CCDC91: variants seen among roughly 807,000 people sequenced by gnomAD.
CCDC91 encodes coiled-coil domain containing 91, also known as coiled-coil domain-containing protein 91.
A neutral mutation model predicts 63.2 loss-of-function variants in CCDC91; 48 were observed. The observed-to-expected ratio is 0.76, with a 90% CI of 0.60 to 0.97. The LOEUF (loss-of-function observed/expected upper bound fraction) is 0.97. Among genes scored for constraint, CCDC91 ranks in the 50% least tolerant of loss-of-function variants. The pLI, the probability that CCDC91 is intolerant of heterozygous loss-of-function variation, is 0.00. For missense variants in CCDC91, 500 were observed against 494.6 expected (o/e 1.01, Z -0.10); for synonymous variants, 167 against 165.8 (o/e 1.01, Z -0.06).
At chr12:28,534,315 C>T (rs1941977863) in intron 12 of CCDC91, among the ~76,000 whole-genome samples, 1 of 152,174 alleles carries the variant, frequency 6.6e-6, no homozygotes, top group South Asian at 2.1e-4. Flanking sequence ...AAGGAATTCT[C>T]AGTTTTAATA....
intron 11 of CCDC91, among the ~76,000 whole-genome samples, chr12:28,477,534 G>A (rs1337316161): frequency 6.6e-6 from 1 of 152,102 alleles, no homozygotes; most frequent in African/African-American, 2.4e-5. Context: ...AAAACTGGAA[G>A]CATTCCATTT....
At chr12:28,299,068 C>G (rs1317188437) in intron 3 of CCDC91, among the ~76,000 whole-genome samples, 1 of 151,498 alleles carries the variant, frequency 6.6e-6, no homozygotes, top group Non-Finnish European at 1.5e-5. Context: ...GCAAGTCTTT[C>G]TTTATTTAGC....
At chr12:28,519,348 C>T (rs532699408) in intron 12 of CCDC91, among the ~76,000 whole-genome samples, 23 of 151,710 alleles carry the variant, frequency 1.5e-4, no homozygotes, top group East Asian at 7.8e-4. Context: ...GGGTTGAGTA[C>T]GTGATTTGAT....
intron 1 of CCDC91, among the ~76,000 whole-genome samples, chr12:28,213,153 C>G (rs1439709194): frequency 6.6e-6 from 1 of 152,192 alleles, no homozygotes; most frequent in African/African-American, 2.4e-5. Context: ...CACCTCCCCT[C>G]TGCCCCTCCT....
chr12:28,197,342 AT>A (rs1264436915), intron 1 of CCDC91, among the ~76,000 whole-genome samples: 1 of 152,084 alleles, frequency 6.6e-6, no homozygotes, highest in Non-Finnish European at 1.5e-5. Flanking sequence ...TGCCTATACT[AT>A]TTTGTTTCCA....
intron 12 of CCDC91, among the ~76,000 whole-genome samples, chr12:28,507,182 C>T (rs902160823): frequency 6.6e-6 from 1 of 151,928 alleles, no homozygotes; most frequent in Non-Finnish European, 1.5e-5. Flanking sequence ...CCAGTGTTCT[C>T]CAGTTACATA....
chr12:28,435,351 A>G (rs1948849846), intron 8 of CCDC91, among the ~76,000 whole-genome samples: 2 of 151,348 alleles, frequency 1.3e-5, no homozygotes, highest in Non-Finnish European at 1.5e-5. Flanking sequence ...CTCTTGAGAC[A>G]TGTTTTTTAT....
In CCDC91 at chr12:28,452,645, A is replaced by T. The variant is rs759347240; in HGVS notation, c.1092A>T (p.Lys364Asn). The change falls in exon 11 of 13, where the codon AAA becomes AAT. Residue 364 changes from lysine to asparagine, a missense_variant. Coordinates refer to ENST00000536442, the MANE Select transcript of CCDC91 (RefSeq NM_018318.5). Reference sequence around the variant, plus strand: ...AAAAAGCTATACAAGAACAAAGAAAAATAAGTCAGGTTAGTAATATTAACT... The same window carrying T: ...AAAAAGCTATACAAGAACAAAGAAATATAAGTCAGGTTAGTAATATTAACT... ...EIQKAIQEQR[K>N]ISQETVKAAI... The T allele has an allele frequency of 5.9e-6, 9 of 1,516,922 alleles. No individual in the cohort carries two copies. The African/African-American group carries it at 1.1e-4, about 19-fold the overall frequency. 94.0% of individuals were successfully genotyped at this position (1,516,922 alleles called of 1,614,324 possible). A position where few individuals can be genotyped will look rare whatever the true frequency, so the allele number is the denominator to read the frequency against.
At chr12:28,316,014 C>T (rs941092001) in intron 6 of CCDC91, among the ~76,000 whole-genome samples, 2 of 151,878 alleles carry the variant, frequency 1.3e-5, no homozygotes, top group Non-Finnish European at 2.9e-5. Flanking sequence ...TTATTTTCTT[C>T]TATCATAAAA....
At chr12:28,547,916 G>T (rs1464282162) in intron 12 of CCDC91, among the ~76,000 whole-genome samples, 2 of 152,030 alleles carry the variant, frequency 1.3e-5, no homozygotes, top group Non-Finnish European at 2.9e-5. Flanking sequence ...TGAGAAGAAT[G>T]ACAACTTTTA....
chr12:28,524,451 C>G (rs932468564), intron 12 of CCDC91, among the ~76,000 whole-genome samples: 5 of 151,994 alleles, frequency 3.3e-5, no homozygotes, highest in Non-Finnish European at 5.9e-5. Context: ...GGTATTAAAC[C>G]CACTTTAATC....
chr12:28,250,953 AGT>A (rs3064712), intron 1 of CCDC91, among the ~76,000 whole-genome samples: 2,898 of 145,358 alleles, frequency 0.02, 33 homozygotes, highest in African/African-American at 0.029. Context: ...TTAAGGTTTG[AGT>A]GTGTGTGTGT....
chr12:28,344,868 G>A (rs939420974), intron 6 of CCDC91, among the ~76,000 whole-genome samples: 1 of 152,090 alleles, frequency 6.6e-6, no homozygotes, highest in African/African-American at 2.4e-5. Context: ...GATGCCAGTA[G>A]ACAGAGAAGG....
intron 1 of CCDC91, among the ~76,000 whole-genome samples, chr12:28,225,083 T>A (rs1565635095): frequency 6.6e-6 from 1 of 152,192 alleles, no homozygotes; most frequent in Non-Finnish European, 1.5e-5. Context: ...TAGTGCTCTT[T>A]CCACTACCTT....
intron 8 of CCDC91, among the ~76,000 whole-genome samples, chr12:28,414,339 A>G (rs377014365): frequency 6.6e-6 from 1 of 152,268 alleles, no homozygotes; most frequent in East Asian, 1.9e-4. Context: ...AGTAAAAAAA[A>G]TTCTTATTTT....
chr12:28,510,648 A>G (rs1228019981), intron 12 of CCDC91, among the ~76,000 whole-genome samples: 3 of 151,922 alleles, frequency 2.0e-5, no homozygotes, highest in Admixed American at 6.6e-5. Flanking sequence ...AATAATCTTT[A>G]GCCAAATATC....
At chr12:28,543,083 G>A (rs1376565669) in intron 12 of CCDC91, among the ~76,000 whole-genome samples, 1 of 151,964 alleles carries the variant, frequency 6.6e-6, no homozygotes, top group African/African-American at 2.4e-5. Context: ...TAGTGATTCG[G>A]CCTCCATCTT....
chr12:28,545,729 A>G (rs1218882909), intron 12 of CCDC91, among the ~76,000 whole-genome samples: 1 of 152,110 alleles, frequency 6.6e-6, no homozygotes, highest in African/African-American at 2.4e-5. Context: ...TAACACAAGC[A>G]AGAGAAGCGT....
intron 3 of CCDC91, among the ~76,000 whole-genome samples, chr12:28,300,823 A>ACGG (rs1937993641): frequency 6.6e-6 from 1 of 151,488 alleles, no homozygotes; most frequent in African/African-American, 2.4e-5. Context: ...ATTTCTTGCT[A>ACGG]AATTTATTCT....
Sources: gnomAD v4.1 joint callset for allele counts (sites outside exome capture counted in the v4.1 genomes callset) on GRCh38, gnomAD v4.1.1 for gene constraint, MANE v1.5 for transcripts, NCBI Gene and HGNC (gene_info 2026-07-23, HGNC 2026-07-21) for gene names.